The following COL5A2 variants were observed in gnomAD, a reference collection of about 807,000 sequenced individuals.
COL5A2 encodes collagen alpha-2(V) chain.
Under a neutral mutation model 208.2 loss-of-function variants are expected in COL5A2, and 23 were observed. That is an observed-to-expected ratio of 0.11 (90% confidence interval 0.08 to 0.16). COL5A2 has a LOEUF of 0.16. Among genes scored for constraint, COL5A2 ranks in the 10% least tolerant of loss-of-function variants. COL5A2 has a pLI of 1.00. For missense variants in COL5A2, 1,590 were observed against 1,956.4 expected, an observed-to-expected ratio of 0.81 and a Z score of 3.53; for synonymous variants, 625 against 628.5, an observed-to-expected ratio of 0.99 and a Z score of 0.08.
chr2:189,378,444 GC>G, the COL5A2 span, among the ~76,000 whole-genome samples: 2 of 152,172 alleles, frequency 1.3e-5, no homozygotes, highest in East Asian at 3.8e-4. Flanking sequence ...GAGAAAAGCG[GC>G]CGGGCGCGGT....
chr2:189,237,403 CA>C, the COL5A2 span, among the ~76,000 whole-genome samples: 2 of 148,888 alleles, frequency 1.3e-5, no homozygotes, highest in Admixed American at 6.7e-5. Flanking sequence ...ACAATAACAG[CA>C]AAAAAAAAGA....
the COL5A2 span, among the ~76,000 whole-genome samples, chr2:189,237,076 T>A: frequency 6.6e-6 from 1 of 151,818 alleles, no homozygotes; most frequent in African/African-American, 2.4e-5. Flanking sequence ...TGCCAGGATC[T>A]GGCTCACAAT....
chr2:189,099,281 C>A (rs1357647606), intron 4 of COL5A2, among the ~76,000 whole-genome samples: 1 of 151,952 alleles, frequency 6.6e-6, no homozygotes, highest in Non-Finnish European at 1.5e-5. Flanking sequence ...AAAAACAAGC[C>A]AATTAAAGGC....
the COL5A2 span, among the ~76,000 whole-genome samples, chr2:189,244,069 T>A: frequency 6.6e-6 from 1 of 152,124 alleles, no homozygotes; most frequent in Non-Finnish European, 1.5e-5. Context: ...ATGAAACCAC[T>A]TTTTCCTCCT....
chr2:189,283,418 CTCA>C, the COL5A2 span, among the ~76,000 whole-genome samples: 1 of 152,028 alleles, frequency 6.6e-6, no homozygotes, highest in African/African-American at 2.4e-5. Flanking sequence ...CTCCCAAGAA[CTCA>C]TAACCCCAGT....
intron 1 of COL5A2, among the ~76,000 whole-genome samples, chr2:189,212,459 G>A (rs371883082): frequency 2.6e-5 from 4 of 152,026 alleles, no homozygotes; most frequent in East Asian, 1.9e-4. Context: ...TCAACATGGT[G>A]AAACCCAGTC....
intron 1 of COL5A2, among the ~76,000 whole-genome samples, chr2:189,171,527 T>A (rs1688573747): frequency 2.0e-5 from 3 of 152,136 alleles, no homozygotes. Context: ...ATGGTAGATC[T>A]TAGTGAACGA....
chr2:189,321,196 C>A, the COL5A2 span, among the ~76,000 whole-genome samples: 1 of 152,180 alleles, frequency 6.6e-6, no homozygotes, highest in Admixed American at 6.6e-5. Context: ...CAACCAGTAC[C>A]AGCCACTGCA....
chr2:189,291,225 A>G, the COL5A2 span, among the ~76,000 whole-genome samples: 2 of 152,090 alleles, frequency 1.3e-5, no homozygotes, highest in Admixed American at 1.3e-4. Flanking sequence ...CTCACTTAAG[A>G]GATTTAAATA....
the COL5A2 span, among the ~76,000 whole-genome samples, chr2:189,291,573 T>C: frequency 3.3e-5 from 5 of 152,144 alleles, no homozygotes; most frequent in Admixed American, 6.5e-5. Flanking sequence ...AATTTTATCA[T>C]GGATAAATTC....
At chr2:189,416,593 G>T in the COL5A2 span, among the ~76,000 whole-genome samples, 1 of 152,150 alleles carries the variant, frequency 6.6e-6, no homozygotes, top group East Asian at 1.9e-4. Context: ...GATAGCATTA[G>T]GAGATATACC....
the COL5A2 span, among the ~76,000 whole-genome samples, chr2:189,322,218 G>C: frequency 6.6e-6 from 1 of 152,134 alleles, no homozygotes; most frequent in African/African-American, 2.4e-5. Flanking sequence ...ACCCACAAGA[G>C]AAAGCAGGAA....
chr2:189,067,259 G>A (rs905313399), intron 21 of COL5A2, among the ~76,000 whole-genome samples: 1 of 152,084 alleles, frequency 6.6e-6, no homozygotes, highest in Non-Finnish European at 1.5e-5. Context: ...ATGTTAGAGG[G>A]TTTTCTGTAG....
rs192714660 is a variant in COL5A2, at chr2:189,117,608, A to T, written c.98-7159T>A. Among the ~76,000 whole-genome samples the T allele has an allele frequency of 6.6e-5, 10 of 152,204 alleles. No homozygotes were observed. In the East Asian group the frequency reaches 1.5e-3, roughly 23 times the overall value. On this transcript the variant is annotated intron_variant, in intron 1 of 53. Transcript: ENST00000374866. ...CAGTAATATATAGTATCCACATTCC[A>T]GATTTCCTTCATCTCCTTCTGGTCT...
chr2:189,264,516 T>C, the COL5A2 span, among the ~76,000 whole-genome samples: 5 of 152,134 alleles, frequency 3.3e-5, no homozygotes, highest in African/African-American at 9.7e-5. Context: ...AACTGTATTG[T>C]TTAGGGATGC....
At chr2:189,141,983 G>C (rs563544255) in intron 1 of COL5A2, among the ~76,000 whole-genome samples, 64 of 152,140 alleles carry the variant, frequency 4.2e-4, no homozygotes, top group African/African-American at 1.5e-3. Context: ...TTCTTTTCTG[G>C]AATTTCCTAT....
At chr2:189,104,152 T>C in intron 3 of COL5A2, 112 bp downstream of exon 3, 1 of 797,454 alleles carries the variant, frequency 1.3e-6, no homozygotes, top group Non-Finnish European at 2.2e-6. Context: ...TGTATTTGTA[T>C]GGTACTTTGT....
At chr2:189,435,750 A>G in the COL5A2 span, among the ~76,000 whole-genome samples, 1 of 152,228 alleles carries the variant, frequency 6.6e-6, no homozygotes, top group Admixed American at 6.5e-5. Flanking sequence ...TAGTTCAACC[A>G]TTGTGGAAGA....
At chr2:189,357,583 T>C in the COL5A2 span, among the ~76,000 whole-genome samples, 1 of 151,926 alleles carries the variant, frequency 6.6e-6, no homozygotes, top group Non-Finnish European at 1.5e-5. Flanking sequence ...GCTCAAGTGT[T>C]CCAGGTCAAC....
Sources: gnomAD v4.1 joint callset for allele counts (sites outside exome capture counted in the v4.1 genomes callset) on GRCh38, gnomAD v4.1.1 for gene constraint, MANE v1.5 for transcripts, NCBI Gene and HGNC (gene_info 2026-07-23, HGNC 2026-07-21) for gene names.